LRRIQ3: variants seen among roughly 807,000 people sequenced by gnomAD.
LRRIQ3 encodes leucine-rich repeat and IQ domain-containing protein 3.
Under a neutral mutation model 59.3 loss-of-function variants are expected in LRRIQ3, and 75 were observed. That is an observed-to-expected ratio of 1.26 (90% CI 1.05 to 1.53). The LOEUF (loss-of-function observed/expected upper bound fraction) is 1.53. Ranked by LOEUF, LRRIQ3 falls within the 40% of genes most tolerant of loss-of-function variation. The pLI is 0.00. For missense variants in LRRIQ3, 831 were observed against 710.0 expected, an observed-to-expected ratio of 1.17 and a Z score of -1.94; for synonymous variants, 250 against 231.3, an observed-to-expected ratio of 1.08 and a Z score of -0.73.
At chr1:74,115,973 A>G (rs913566053) in intron 4 of LRRIQ3, among the ~76,000 whole-genome samples, 1 of 152,122 alleles carries the variant, frequency 6.6e-6, no homozygotes, top group Non-Finnish European at 1.5e-5. Flanking sequence ...ATAGAAAATC[A>G]ATACAAAGAA....
At chr1:74,149,724 T>C (rs1318377418) in intron 4 of LRRIQ3, among the ~76,000 whole-genome samples, 1 of 152,218 alleles carries the variant, frequency 6.6e-6, no homozygotes, top group Non-Finnish European at 1.5e-5. Flanking sequence ...CTGCTATTTT[T>C]CTATCTTCAT....
intron 5 of LRRIQ3, among the ~76,000 whole-genome samples, chr1:74,095,886 T>A (rs1646443409): frequency 1.3e-5 from 2 of 152,022 alleles, no homozygotes. Context: ...TCTCAAACTT[T>A]TTGGTCAGAG....
intron 3 of LRRIQ3, chr1:74,181,517 G>A (rs1003920924): frequency 2.6e-5 from 4 of 151,596 alleles, no homozygotes; most frequent in Admixed American, 2.0e-4. Context: ...CTGTCACTTC[G>A]ATTATCCTTA....
At chr1:74,131,698 A>G (rs1647022620) in intron 4 of LRRIQ3, among the ~76,000 whole-genome samples, 1 of 152,198 alleles carries the variant, frequency 6.6e-6, no homozygotes, top group African/African-American at 2.4e-5. Flanking sequence ...AGAACTCTCA[A>G]TAAATTAGGT....
intron 7 of LRRIQ3, among the ~76,000 whole-genome samples, chr1:74,030,210 A>C (rs190817193): frequency 6.7e-4 from 102 of 152,204 alleles, no homozygotes; most frequent in Non-Finnish European, 1.1e-3. Flanking sequence ...TAATTTATAG[A>C]TTCAGTGCCA....
At chr1:74,152,412 T>C (rs7529384) in intron 4 of LRRIQ3, among the ~76,000 whole-genome samples, 46,094 of 152,010 alleles carry the variant, frequency 0.3, 7,750 homozygotes, top group Middle Eastern at 0.45. Flanking sequence ...GTCTAATCAT[T>C]AAAAAAATCC....
intron 3 of LRRIQ3, among the ~76,000 whole-genome samples, chr1:74,162,056 A>G (rs575223350): frequency 1.3e-5 from 2 of 151,992 alleles, no homozygotes; most frequent in South Asian, 4.1e-4. Flanking sequence ...ACCTATCTGT[A>G]TCATGTTTTC....
intron 6 of LRRIQ3, among the ~76,000 whole-genome samples, chr1:74,064,725 T>C (rs1395867222): frequency 1.3e-5 from 2 of 152,074 alleles, no homozygotes; most frequent in East Asian, 3.9e-4. Context: ...TCTTGGTTGA[T>C]AGTTTTCTTT....
intron 4 of LRRIQ3, among the ~76,000 whole-genome samples, chr1:74,151,011 C>CT (rs59890149): frequency 0.012 from 791 of 63,412 alleles, 56 homozygotes; most frequent in East Asian, 0.048. Flanking sequence ...ATGATGCTTT[C>CT]TTTTTTTTTT....
chr1:74,122,849 A>G (rs1385591697), intron 4 of LRRIQ3, among the ~76,000 whole-genome samples: 2 of 152,142 alleles, frequency 1.3e-5, no homozygotes, highest in African/African-American at 4.8e-5. Context: ...TAAACTAAAG[A>G]GCTTCTGCAC....
intron 4 of LRRIQ3, among the ~76,000 whole-genome samples, chr1:74,113,134 A>C (rs1557621485): frequency 6.6e-6 from 1 of 152,060 alleles, no homozygotes. Context: ...ATCAGTGAAG[A>C]CATAAAAATA....
At chr1:74,180,554 T>C (rs1441159706) in intron 3 of LRRIQ3, 4 of 592,740 alleles carry the variant, frequency 6.7e-6, no homozygotes, top group African/African-American at 1.9e-5. Flanking sequence ...AATAAGTTCT[T>C]TTCTGTCCCA....
intron 1 of LRRIQ3, among the ~76,000 whole-genome samples, chr1:74,196,061 G>A (rs1415969596): frequency 6.6e-6 from 1 of 151,444 alleles, no homozygotes; most frequent in African/African-American, 2.4e-5. Flanking sequence ...GAAAACAGAA[G>A]CCATAGCTGA....
At chr1:74,191,467 C>T (rs1650763957) in intron 1 of LRRIQ3, among the ~76,000 whole-genome samples, 1 of 151,930 alleles carries the variant, frequency 6.6e-6, no homozygotes, top group South Asian at 2.1e-4. Context: ...TTTAATTCAT[C>T]CAACAACAAC....
At chr1:74,175,461 G>A (rs551880379) in intron 3 of LRRIQ3, among the ~76,000 whole-genome samples, 4 of 152,126 alleles carry the variant, frequency 2.6e-5, no homozygotes, top group East Asian at 1.9e-4. Flanking sequence ...TGAGGAAAAT[G>A]AACATTCATC....
At chr1:74,187,281 T>C (rs1252469951) in intron 1 of LRRIQ3, among the ~76,000 whole-genome samples, 2 of 151,868 alleles carry the variant, frequency 1.3e-5, no homozygotes, top group African/African-American at 2.4e-5. Context: ...CAAACCTAAG[T>C]ACCCATCAAC....
At chr1:74,089,171 G>A (rs1432452611) in intron 5 of LRRIQ3, among the ~76,000 whole-genome samples, 2 of 152,042 alleles carry the variant, frequency 1.3e-5, no homozygotes, top group Non-Finnish European at 2.9e-5. Flanking sequence ...AGTATTGGTT[G>A]GGTTTTGGAG....
At chr1:74,193,781 T>G (rs1650923528) in intron 1 of LRRIQ3, among the ~76,000 whole-genome samples, 1 of 152,024 alleles carries the variant, frequency 6.6e-6, no homozygotes, top group South Asian at 2.1e-4. Context: ...AAGCATGAAC[T>G]ATAATATTAG....
At chr1:74,079,379 T>C (rs775388400) in intron 5 of LRRIQ3, among the ~76,000 whole-genome samples, 4 of 151,710 alleles carry the variant, frequency 2.6e-5, no homozygotes, top group Non-Finnish European at 4.4e-5. Context: ...GTGTAAGATC[T>C]TTCTTCTGCC....
Sources: gnomAD v4.1 joint callset for allele counts (sites outside exome capture counted in the v4.1 genomes callset) on GRCh38, gnomAD v4.1.1 for gene constraint, MANE v1.5 for transcripts, NCBI Gene and HGNC (gene_info 2026-07-23, HGNC 2026-07-21) for gene names.